VPS13C: variants seen among roughly 807,000 people sequenced by gnomAD.
VPS13C encodes vacuolar protein sorting 13 homolog C, also known as intermembrane lipid transfer protein VPS13C.
In VPS13C, 358 loss-of-function variants were observed where a neutral mutation model predicts 456.8. The observed-to-expected ratio is 0.78, with a 90% confidence interval of 0.72 to 0.86. The LOEUF (loss-of-function observed/expected upper bound fraction) is 0.86, where lower values mean the gene tolerates loss of function less well. VPS13C is among the 40% of genes least tolerant of loss of function. The probability of loss-of-function intolerance (pLI) is 0.00; values close to 1 mark genes in which losing one functional copy is unlikely to be tolerated. For synonymous variants in VPS13C, 1,578 were observed against 1,486.7 expected, an observed-to-expected ratio of 1.06 and a Z score of -1.41; for missense variants, 4,818 against 4,385.4, an observed-to-expected ratio of 1.10 and a Z score of -2.79.
intron 4 of VPS13C, 104 bp from the exon 5 acceptor site, chr15:62,033,646 G>T: frequency 1.7e-6 from 1 of 590,108 alleles, no homozygotes; most frequent in Non-Finnish European, 2.6e-6. Flanking sequence ...TAATCCTTCT[G>T]CAATACAAAA....
At chr15:62,056,801 T>C (rs28692770) in intron 1 of VPS13C, among the ~76,000 whole-genome samples, 11,439 of 152,260 alleles carry the variant, frequency 0.075, 841 homozygotes, top group African/African-American at 0.19. Context: ...AAGTCTCTGA[T>C]ATGCAGAAAT....
intron 5 of VPS13C, among the ~76,000 whole-genome samples, chr15:62,029,579 C>CA (rs943967617): frequency 6.6e-6 from 1 of 152,086 alleles, no homozygotes; most frequent in African/African-American, 2.4e-5. Flanking sequence ...TCTGAACTCC[C>CA]ATAAAACTGT....
intron 50 of VPS13C, 49 bp from the exon 51 acceptor site, chr15:61,929,797 A>G: frequency 6.6e-7 from 1 of 1,523,058 alleles, no homozygotes. Context: ...AAAACAATAA[A>G]AAAGATGAAG....
chr15:61,993,922 C>T (rs556502991), intron 16 of VPS13C, among the ~76,000 whole-genome samples: 131 of 152,092 alleles, frequency 8.6e-4, no homozygotes, highest in African/African-American at 2.9e-3. Flanking sequence ...TGTGAACTAT[C>T]TTTGCTACTT....
chr15:61,941,739 C>A, intron 46 of VPS13C, 24 bp downstream of exon 46: 2 of 1,566,492 alleles, frequency 1.3e-6, no homozygotes, highest in Non-Finnish European at 1.7e-6. Context: ...GTAAGCAATA[C>A]ACAATTAGAT....
chr15:61,907,152 A>C (rs777053772), intron 66 of VPS13C, 112 bp downstream of exon 66: 1 of 1,528,006 alleles, frequency 6.5e-7, no homozygotes, highest in Admixed American at 1.7e-5. Flanking sequence ...TTTTCTGGAA[A>C]TACTTCCAAT....
chr15:62,037,809 T>G (rs956963821), intron 3 of VPS13C, among the ~76,000 whole-genome samples: 1 of 152,008 alleles, frequency 6.6e-6, no homozygotes, highest in Admixed American at 6.6e-5. Context: ...ACCACCACAT[T>G]CAGCCCTATC....
chr15:61,947,874 C>CA (rs1039783005), intron 42 of VPS13C, among the ~76,000 whole-genome samples: 1 of 150,950 alleles, frequency 6.6e-6, no homozygotes, highest in Non-Finnish European at 1.5e-5. Context: ...TAAAAAATAC[C>CA]AAAAAAAAAT....
intron 45 of VPS13C, 52 bp downstream of exon 45, chr15:61,945,663 A>C (rs1438577271): frequency 7.0e-7 from 1 of 1,438,678 alleles, no homozygotes. Context: ...CAGTTGTATA[A>C]GCAAAGATAT....
intron 1 of VPS13C, 145 bp downstream of exon 1, chr15:62,060,130 G>GAGA (rs1032546244): frequency 4.8e-6 from 2 of 416,258 alleles, no homozygotes; most frequent in Non-Finnish European, 4.4e-6. Flanking sequence ...GCGGGCGGCA[G>GAGA]AGGCTCCCGC....
intron 58 of VPS13C, 26 bp downstream of exon 58, chr15:61,919,263 G>T: frequency 6.4e-7 from 1 of 1,572,524 alleles, no homozygotes; most frequent in Non-Finnish European, 8.6e-7. Flanking sequence ...ACACTGAAAG[G>T]GATACAATTA....
chr15:61,882,687 G>A lies in VPS13C; in HGVS notation c.9533C>T (p.Pro3178Leu). The change falls in exon 69 of 85, where the codon CCT becomes CTT. Residue 3178 changes from proline (P) to leucine (L), a missense_variant. Physicochemically the swap from Pro to Leu is moderately conservative, Grantham distance 98. This residue lies in a region of VPS13C where 4,552 missense variants were observed against 4,130.6 expected (regional missense o/e 1.10). Transcript: ENST00000644861. ...PMEMRLPIRS[P>L]IKRDFLSGIQ... ...TCCTGATAAAAAGTCTCGTTTAATAGGGCTACGAATAGGGAGGCGCATTTC... is the reference window on the plus strand; with the variant it reads ...TCCTGATAAAAAGTCTCGTTTAATAAGGCTACGAATAGGGAGGCGCATTTC... 6.3e-7 allele frequency: 1 copy of A among 1,598,112 alleles called. No homozygotes were observed. The highest frequency in any genetic ancestry group is 8.5e-7 in the Non-Finnish European group (1 of 1,172,760).
intron 29 of VPS13C, among the ~76,000 whole-genome samples, chr15:61,967,017 C>A (rs980187368): frequency 2.0e-5 from 3 of 151,818 alleles, no homozygotes; most frequent in Non-Finnish European, 2.9e-5. Flanking sequence ...GTCTTCTGAA[C>A]CCAATTTAAT....
chr15:62,005,694 T>A (rs1365393763), intron 15 of VPS13C, among the ~76,000 whole-genome samples: 1 of 151,920 alleles, frequency 6.6e-6, no homozygotes, highest in African/African-American at 2.4e-5. Flanking sequence ...ATTTTTTTTA[T>A]TTTTTATTTT....
In VPS13C at chr15:61,874,889, A is replaced by G. The variant is rs545359595; in HGVS notation, c.10401T>C (p.Phe3467=). Residue 3467 remains phenylalanine, a synonymous_variant, in exon 77 of 85, where the codon TTT becomes TTC. Transcript: ENST00000644861. ...TGTGATACATACCTACTGTGTGTCCAAAGAGGCTTCTCACTCCAATCACTA... is the reference window on the plus strand; with the variant it reads ...TGTGATACATACCTACTGTGTGTCCGAAGAGGCTTCTCACTCCAATCACTA... The part of the protein sequence containing the change: ...EGLVIGVRSL[F]GHTVGGAAGV... The G allele has an allele frequency of 2.5e-6, 4 of 1,594,498 alleles. No homozygotes were observed. The African/African-American group carries it at 5.4e-5, about 21-fold the overall frequency.
At chr15:61,864,547 A>G in intron 81 of VPS13C, 1 of 907,528 alleles carries the variant, frequency 1.1e-6, no homozygotes, top group Non-Finnish European at 1.3e-6. Flanking sequence ...AATATTATTA[A>G]AAGGATAATA....
chr15:62,020,403 T>A lies in VPS13C; in HGVS notation c.684+76A>T, dbSNP rs562526350. ...CATAGTTCTTTGTCGCATAGTTGATTCTAGACAATTTACCCTGTGACTTCA... is the reference window on the plus strand; with the variant it reads ...CATAGTTCTTTGTCGCATAGTTGATACTAGACAATTTACCCTGTGACTTCA... On this transcript the variant is annotated intron_variant, in intron 9 of 84. Coordinates refer to ENST00000644861, the MANE Select transcript of VPS13C (RefSeq NM_020821.3). The A allele has an allele frequency of 5.4e-6, 7 of 1,297,276 alleles. No homozygotes were observed. In the East Asian group the frequency reaches 1.7e-4, roughly 32 times the overall value. 80.4% of individuals were successfully genotyped at this position (1,297,276 alleles called of 1,614,324 possible).
intron 37 of VPS13C, among the ~76,000 whole-genome samples, chr15:61,957,343 G>T (rs1192696625): frequency 2.0e-5 from 3 of 152,084 alleles, no homozygotes; most frequent in Admixed American, 6.6e-5. Context: ...GGGCAAGAGG[G>T]AGGCCTTCTG....
intron 5 of VPS13C, 53 bp downstream of exon 5, chr15:62,033,388 A>T: frequency 8.3e-7 from 1 of 1,202,158 alleles, no homozygotes; most frequent in Non-Finnish European, 1.2e-6. Context: ...AAAGGATATT[A>T]ATTATATCTA....
Sources: allele counts gnomAD v4.1 joint callset (sites outside exome capture counted in the v4.1 genomes callset), GRCh38; gene constraint gnomAD v4.1.1; regional missense constraint gnomAD v4.1.1; transcripts MANE v1.5; gene names NCBI Gene and HGNC (gene_info 2026-07-23, HGNC 2026-07-21).